Variants in CDH13 observed in about 807,000 individuals in gnomAD.
The protein encoded by CDH13 is cadherin-13.
CDH13 carries 24 observed loss-of-function variants against 63.8 expected under a neutral mutation model. The ratio of observed to expected loss-of-function variants is 0.38; its 90% CI spans 0.27 to 0.53. CDH13 has a LOEUF of 0.53. Among genes scored for constraint, CDH13 ranks in the 20% least tolerant of loss-of-function variants. The pLI, the probability that CDH13 is intolerant of heterozygous loss-of-function variation, is 0.85. For missense variants in CDH13, 1,049 were observed against 903.1 expected (o/e 1.16, Z -2.07); for synonymous variants, 503 against 355.3 (o/e 1.42, Z -4.67).
At chr16:83,233,858 C>G (rs1188253717) in intron 5 of CDH13, among the ~76,000 whole-genome samples, 1 of 152,158 alleles carries the variant, frequency 6.6e-6, no homozygotes, top group Non-Finnish European at 1.5e-5. Flanking sequence ...AGGTGGGCAT[C>G]TCTGGGGGCC....
At chr16:82,890,713 A>G (rs1303960411) in intron 2 of CDH13, among the ~76,000 whole-genome samples, 3 of 148,100 alleles carry the variant, frequency 2.0e-5, no homozygotes, top group Non-Finnish European at 4.4e-5. Flanking sequence ...GTGCAATGGC[A>G]TGATCTTGGC....
intron 7 of CDH13, among the ~76,000 whole-genome samples, chr16:83,523,455 C>A (rs2074886637): frequency 6.6e-6 from 1 of 152,136 alleles, no homozygotes; most frequent in South Asian, 2.1e-4. Context: ...GTACCCTACC[C>A]TTTTCATTAT....
intron 5 of CDH13, among the ~76,000 whole-genome samples, chr16:83,309,463 G>A (rs1291729230): frequency 6.6e-6 from 1 of 151,984 alleles, no homozygotes; most frequent in African/African-American, 2.4e-5. Context: ...GCAACCTTCT[G>A]CCTCCCAGCT....
intron 2 of CDH13, among the ~76,000 whole-genome samples, chr16:83,026,340 C>A (rs1436026367): frequency 1.3e-5 from 2 of 152,178 alleles, no homozygotes; most frequent in African/African-American, 4.8e-5. Context: ...TCGCTCTAGG[C>A]CTTTCTGGAT....
chr16:83,629,465 T>A (rs868652427), intron 8 of CDH13, among the ~76,000 whole-genome samples: 1 of 152,218 alleles, frequency 6.6e-6, no homozygotes, highest in Non-Finnish European at 1.5e-5. Context: ...TATAGGATCA[T>A]AATTTTAAAA....
At chr16:83,179,776 T>C (rs2151742675) in intron 4 of CDH13, among the ~76,000 whole-genome samples, 1 of 152,300 alleles carries the variant, frequency 6.6e-6, no homozygotes, top group South Asian at 2.1e-4. Context: ...CAGTGCTACA[T>C]TGCCCCTAGA....
chr16:83,747,323 G>A (rs1257512902), intron 10 of CDH13, among the ~76,000 whole-genome samples: 5 of 152,120 alleles, frequency 3.3e-5, no homozygotes, highest in East Asian at 1.9e-4. Context: ...TGCTGTTCTC[G>A]TGATAGTGAA....
intron 4 of CDH13, among the ~76,000 whole-genome samples, chr16:83,186,916 G>A (rs984667870): frequency 5.3e-5 from 8 of 152,114 alleles, no homozygotes; most frequent in African/African-American, 1.9e-4. Context: ...GATGGGAGAC[G>A]GAGATATTTT....
At chr16:82,858,314 C>G in intron 1 of CDH13, 48 bp from the exon 2 acceptor site, 2 of 1,284,468 alleles carry the variant, frequency 1.6e-6, no homozygotes, top group Non-Finnish European at 2.3e-6. Flanking sequence ...GTTAGCAGGG[C>G]AAACACATAA....
intron 1 of CDH13, among the ~76,000 whole-genome samples, chr16:82,842,145 T>TATATAC (rs2039055449): frequency 1.4e-4 from 4 of 27,598 alleles, no homozygotes; most frequent in African/African-American, 3.5e-4. Context: ...TATACACATA[T>TATATAC]ATATATATAT....
At chr16:83,472,164 T>C (rs1182082665) in intron 6 of CDH13, among the ~76,000 whole-genome samples, 1 of 152,160 alleles carries the variant, frequency 6.6e-6, no homozygotes, top group Admixed American at 6.5e-5. Context: ...CTGTCCCCAC[T>C]TAGTACCGTT....
At chr16:83,152,945 G>C (rs1316618478) in intron 4 of CDH13, among the ~76,000 whole-genome samples, 1 of 152,142 alleles carries the variant, frequency 6.6e-6, no homozygotes, top group Non-Finnish European at 1.5e-5. Context: ...GCAGAGATTG[G>C]GATGATGCAT....
intron 7 of CDH13, among the ~76,000 whole-genome samples, chr16:83,591,579 T>G (rs8061320): frequency 6.6e-6 from 1 of 151,940 alleles, no homozygotes; most frequent in African/African-American, 2.4e-5. Context: ...GTGGCCCTGT[T>G]GCAGCCTGAT....
chr16:82,734,769 G>C (rs1481437572), intron 1 of CDH13, among the ~76,000 whole-genome samples: 1 of 152,198 alleles, frequency 6.6e-6, no homozygotes, highest in Non-Finnish European at 1.5e-5. Context: ...TTATACTCCA[G>C]TGTTGATCGG....
chr16:83,568,500 G>C (rs549325747), intron 7 of CDH13, among the ~76,000 whole-genome samples: 1 of 152,280 alleles, frequency 6.6e-6, no homozygotes, highest in South Asian at 2.1e-4. Context: ...TTTCTATTCT[G>C]AGCTCAGTTC....
At chr16:83,535,891 CAAAGA>C (rs907582417) in intron 7 of CDH13, among the ~76,000 whole-genome samples, 13 of 109,140 alleles carry the variant, frequency 1.2e-4, no homozygotes, top group African/African-American at 2.8e-4. Flanking sequence ...GAAAGAGAAA[CAAAGA>C]AAAGAAAAGG....
intron 3 of CDH13, among the ~76,000 whole-genome samples, chr16:83,100,764 C>T (rs372372342): frequency 1.3e-5 from 2 of 152,210 alleles, no homozygotes; most frequent in Non-Finnish European, 2.9e-5. Flanking sequence ...TTACAAACAG[C>T]CATCCCCTTA....
chr16:83,302,839 A>G (rs1320010665), intron 5 of CDH13, among the ~76,000 whole-genome samples: 1 of 152,246 alleles, frequency 6.6e-6, no homozygotes, highest in Non-Finnish European at 1.5e-5. Flanking sequence ...TTCATGTGAC[A>G]GATATCTCTA....
chr16:83,052,368 C>A (rs1341853705), intron 3 of CDH13, among the ~76,000 whole-genome samples: 2 of 152,228 alleles, frequency 1.3e-5, no homozygotes, highest in Admixed American at 1.3e-4. Flanking sequence ...ATATTTTCAT[C>A]TGTCCCTGAA....
Sources: allele counts gnomAD v4.1 joint callset (sites outside exome capture counted in the v4.1 genomes callset), GRCh38; gene constraint gnomAD v4.1.1; transcripts MANE v1.5; gene names NCBI Gene and HGNC (gene_info 2026-07-23, HGNC 2026-07-21).